B4GALT5: variants seen among roughly 807,000 people sequenced by gnomAD.
B4GALT5 encodes the protein UDP-Gal:beta-GlcNAc beta-1,4-galactosyltransferase 5.
Under a neutral mutation model 45.0 loss-of-function variants are expected in B4GALT5, and 11 were observed. That is an observed-to-expected ratio of 0.24 (90% CI 0.15 to 0.40). The LOEUF is 0.40. Ranked by LOEUF, B4GALT5 falls within the 10% of genes least tolerant of loss-of-function variation. The pLI is 1.00. For synonymous variants in B4GALT5, 185 were observed against 182.9 expected (o/e 1.01, Z -0.09); for missense variants, 337 against 500.2 (o/e 0.67, Z 3.11).
intron 1 of B4GALT5, among the ~76,000 whole-genome samples, chr20:49,695,137 T>C (rs1252235888): frequency 6.6e-6 from 1 of 152,040 alleles, no homozygotes; most frequent in East Asian, 1.9e-4. Flanking sequence ...AATGCAGTTT[T>C]TGCACACCTA....
chr20:49,654,259 T>C (rs1003193239), intron 2 of B4GALT5, among the ~76,000 whole-genome samples: 50 of 152,266 alleles, frequency 3.3e-4, no homozygotes, highest in African/African-American at 1.2e-3. Context: ...CCCAAGATTA[T>C]ATGTACTATG....
chr20:49,706,933 T>C (rs900648569), intron 1 of B4GALT5, among the ~76,000 whole-genome samples: 1 of 152,210 alleles, frequency 6.6e-6, no homozygotes, highest in Admixed American at 6.5e-5. Context: ...ATTCTGGCCT[T>C]CTGCTGCTTT....
At chr20:49,702,004 G>A (rs2085864045) in intron 1 of B4GALT5, among the ~76,000 whole-genome samples, 2 of 152,240 alleles carry the variant, frequency 1.3e-5, no homozygotes, top group South Asian at 2.1e-4. Context: ...GGCAGAGGTT[G>A]CAGTGAGTTG....
intron 5 of B4GALT5, among the ~76,000 whole-genome samples, chr20:49,642,251 A>G (rs1383259758): frequency 6.6e-6 from 1 of 151,836 alleles, no homozygotes; most frequent in Non-Finnish European, 1.5e-5. Flanking sequence ...ATGAGCCAAC[A>G]AAGCTCTCTC....
chr20:49,681,083 G>A (rs776296546), intron 1 of B4GALT5, among the ~76,000 whole-genome samples: 38 of 151,908 alleles, frequency 2.5e-4, no homozygotes, highest in Non-Finnish European at 5.0e-4. Flanking sequence ...AGGCGTGGTG[G>A]CATGCATCTG....
chr20:49,713,137 G>C (rs1353021455), intron 1 of B4GALT5, among the ~76,000 whole-genome samples: 1 of 151,768 alleles, frequency 6.6e-6, no homozygotes, highest in Non-Finnish European at 1.5e-5. Context: ...CATGGGCTCG[G>C]CGAAGAGCGG....
chr20:49,707,073 AT>A (rs2085887380), intron 1 of B4GALT5, among the ~76,000 whole-genome samples: 1 of 152,178 alleles, frequency 6.6e-6, no homozygotes, highest in African/African-American at 2.4e-5. Context: ...CTGGAACAGA[AT>A]CATCTGCCGG....
intron 2 of B4GALT5, among the ~76,000 whole-genome samples, chr20:49,647,518 C>T (rs1315254226): frequency 1.3e-5 from 2 of 152,140 alleles, no homozygotes; most frequent in Non-Finnish European, 2.9e-5. Flanking sequence ...CCACTTATCC[C>T]CTTCCTTCTG....
At chr20:49,663,060 C>T (rs185832501) in intron 1 of B4GALT5, among the ~76,000 whole-genome samples, 42 of 152,288 alleles carry the variant, frequency 2.8e-4, no homozygotes, top group Admixed American at 2.4e-3. Flanking sequence ...CATGCACCCA[C>T]GTGAATGAAT....
In B4GALT5 at chr20:49,656,702, A is replaced by G. The variant is rs1421860067; in HGVS notation, c.116T>C (p.Val39Ala). 1 of 1,614,028 alleles carries G rather than the reference A, an allele frequency of 6.2e-7. No homozygotes were observed. The highest frequency in any genetic ancestry group is 1.3e-5 in the African/African-American group (1 of 74,910). The change falls in exon 2 of 9, where the codon GTG becomes GCG. Residue 39 changes from valine to alanine, a missense_variant and splice_region_variant. Val to Ala is a moderately conservative substitution (Grantham distance 64). Transcript: ENST00000371711. The stretch of plus-strand genomic sequence containing the variant: ...TTGCATCATGAAGAGGTAGGTGTTC[A>G]CTGCAGAAAGCAAAAAGGGGAAAAA... Reference protein sequence around the residue: ...LYFVYVAPGIVNTYLFMMQAQ... With the variant: ...LYFVYVAPGIANTYLFMMQAQ...
chr20:49,636,237 C>T lies in B4GALT5; in HGVS notation c.*75G>A. 1 of 1,546,418 alleles carries T rather than the reference C, an allele frequency of 6.5e-7. No individual in the cohort carries two copies. The highest frequency in any genetic ancestry group is 8.8e-7 in the Non-Finnish European group (1 of 1,131,010). ...TCTGTTCTCTTGCTGTGTAGACCCT[C>T]CCCCCTCCAAAAAAAAATCTCATCG... On this transcript the variant is annotated 3_prime_UTR_variant, in exon 9 of 9. Transcript: ENST00000371711.
intron 4 of B4GALT5, 22 bp from the exon 5 acceptor site, chr20:49,642,606 G>T: frequency 6.4e-7 from 1 of 1,560,456 alleles, no homozygotes; most frequent in Non-Finnish European, 8.8e-7. Context: ...TACAGCAAAA[G>T]AAGCACAGTT....
intron 2 of B4GALT5, among the ~76,000 whole-genome samples, chr20:49,650,085 G>A (rs979441568): frequency 6.6e-6 from 1 of 152,080 alleles, no homozygotes; most frequent in African/African-American, 2.4e-5. Context: ...TAACTCTAAT[G>A]ATTCTACTAT....
intron 1 of B4GALT5, among the ~76,000 whole-genome samples, chr20:49,672,886 A>G (rs879651687): frequency 2.6e-5 from 4 of 152,238 alleles, no homozygotes; most frequent in Non-Finnish European, 5.9e-5. Context: ...AATCAAAAAC[A>G]AATTCTTCCC....
At chr20:49,658,300 A>C (rs1441780437) in intron 1 of B4GALT5, among the ~76,000 whole-genome samples, 3 of 152,232 alleles carry the variant, frequency 2.0e-5, no homozygotes, top group Non-Finnish European at 1.5e-5. Flanking sequence ...GGACACTGCC[A>C]GTCACAGTAG....
At chr20:49,655,899 G>T (rs1287950691) in intron 2 of B4GALT5, among the ~76,000 whole-genome samples, 1 of 143,394 alleles carries the variant, frequency 7.0e-6, no homozygotes, top group African/African-American at 2.6e-5. Flanking sequence ...TTGCATGCCA[G>T]CCTGGATGAC....
rs920539188 is a variant in B4GALT5, at chr20:49,656,671, T to C, written c.147A>G (p.Gln49=). 1 of 1,614,186 alleles carries C rather than the reference T, an allele frequency of 6.2e-7. No individual in the cohort carries two copies. Among genetic ancestry groups the C allele is most frequent in the Non-Finnish European group, 8.5e-7 (1 of 1,180,030 alleles). ...TCACGTTGTCCCGGATCAGAATGCC[T>C]TGGGCTTGCATCATGAAGAGGTAGG... is the stretch of plus-strand genomic sequence containing the variant. The part of the protein sequence containing the change: ...VNTYLFMMQA[Q]GILIRDNVRT... Residue 49 remains glutamine, a synonymous_variant, in exon 2 of 9, where the codon CAA becomes CAG. Coordinates refer to ENST00000371711, the MANE Select transcript of B4GALT5 (RefSeq NM_004776.4).
chr20:49,700,257 C>G (rs902115463), intron 1 of B4GALT5, among the ~76,000 whole-genome samples: 1 of 152,252 alleles, frequency 6.6e-6, no homozygotes, highest in Admixed American at 6.5e-5. Context: ...AATGGTTTTA[C>G]AATTTGGTTT....
rs138335025 is a variant in B4GALT5 at position 49,655,300 on chromosome 20, G to A, written c.250+1268C>T. 3.0e-3 allele frequency among the ~76,000 whole-genome samples: 446 copies of A among 150,834 alleles called. 1 individual carries two copies. Among genetic ancestry groups the A allele is most frequent in the Non-Finnish European group, 4.1e-3 (276 of 67,604 alleles). ...ACAAAAGTTAGCCAGGTATGGTGGC[G>A]CACACCTGTAACCCCAGCTACTCGG... On this transcript the variant is annotated intron_variant, in intron 2 of 8. Transcript: ENST00000371711.
Sources: allele counts gnomAD v4.1 joint callset (sites outside exome capture counted in the v4.1 genomes callset), GRCh38; gene constraint gnomAD v4.1.1; transcripts MANE v1.5; gene names NCBI Gene and HGNC (gene_info 2026-07-23, HGNC 2026-07-21).